RGL1: variants seen among roughly 807,000 people sequenced by gnomAD.
RGL1 encodes ral guanine nucleotide dissociation stimulator-like 1.
Under a neutral mutation model 95.2 loss-of-function variants are expected in RGL1, and 24 were observed. The ratio of observed to expected loss-of-function variants is 0.25; its 90% CI spans 0.18 to 0.35. The LOEUF is 0.35. Ranked by LOEUF, RGL1 falls within the 10% of genes least tolerant of loss-of-function variation. The pLI is 1.00. For synonymous variants in RGL1, 329 were observed against 344.9 expected (o/e 0.95, Z 0.51); for missense variants, 715 against 936.3 (o/e 0.76, Z 3.08).
chr1:183,830,272 A>G (rs1663170869), intron 2 of RGL1, among the ~76,000 whole-genome samples: 2 of 152,178 alleles, frequency 1.3e-5, no homozygotes, highest in South Asian at 2.1e-4. Context: ...ACCTCAAACA[A>G]TATCCTTTGT....
At chr1:183,692,957 A>ATTT (rs566962381) in intron 1 of RGL1, among the ~76,000 whole-genome samples, 12 of 145,426 alleles carry the variant, frequency 8.3e-5, no homozygotes, top group East Asian at 4.0e-4. Context: ...GATAAAAAAA[A>ATTT]TTTTTTTTTT....
At chr1:183,644,048 T>C (rs1650123038) in intron 1 of RGL1, among the ~76,000 whole-genome samples, 1 of 152,160 alleles carries the variant, frequency 6.6e-6, no homozygotes, top group South Asian at 2.1e-4. Flanking sequence ...CTACCTGGCT[T>C]CCATAGTTTA....
intron 2 of RGL1, among the ~76,000 whole-genome samples, chr1:183,743,184 T>C (rs765179494): frequency 9.9e-5 from 15 of 152,114 alleles, no homozygotes; most frequent in Non-Finnish European, 1.8e-4. Context: ...GGATAATTTT[T>C]AAATTTTTTG....
At chr1:183,909,835 A>G (rs570674006) in intron 14 of RGL1, among the ~76,000 whole-genome samples, 2 of 152,036 alleles carry the variant, frequency 1.3e-5, no homozygotes, top group South Asian at 2.1e-4. Flanking sequence ...TCCTTTTACC[A>G]CTACTTGTGG....
At chr1:183,885,292 G>A (rs963922857) in intron 7 of RGL1, among the ~76,000 whole-genome samples, 14 of 152,134 alleles carry the variant, frequency 9.2e-5, no homozygotes, top group African/African-American at 3.1e-4. Flanking sequence ...TAAATGTATG[G>A]TCTGCATGTC....
chr1:183,795,557 G>A (rs1660655806), intron 2 of RGL1, among the ~76,000 whole-genome samples: 1 of 152,222 alleles, frequency 6.6e-6, no homozygotes, highest in South Asian at 2.1e-4. Flanking sequence ...AGACTGGGGT[G>A]GCTGGAGCCC....
At chr1:183,764,229 C>T (rs892690216) in intron 2 of RGL1, among the ~76,000 whole-genome samples, 1 of 152,200 alleles carries the variant, frequency 6.6e-6, no homozygotes, top group Non-Finnish European at 1.5e-5. Context: ...TTGAGTGCTT[C>T]AGCCAAGGAG....
rs146858418 is a variant in RGL1, at chr1:183,636,920, A to G, written c.-33+419A>G. ...GACATTTGGCTGGACACTGCTCGGT[A>G]TGGGTCCAGTTTAGTTGGACCTCGA... is the stretch of plus-strand genomic sequence containing the variant. On this transcript the variant is annotated intron_variant, in intron 1 of 18. Coordinates refer to the RGL1 transcript ENST00000304685. 5.2e-3 allele frequency among the ~76,000 whole-genome samples: 798 copies of G among 152,334 alleles called. 6 individuals carry two copies. The highest frequency in any genetic ancestry group is 0.018 in the African/African-American group (754 of 41,556).
chr1:183,686,558 C>A (rs966036090), intron 1 of RGL1, among the ~76,000 whole-genome samples: 2 of 152,196 alleles, frequency 1.3e-5, no homozygotes, highest in Admixed American at 1.3e-4. Flanking sequence ...GATGACAACA[C>A]TCTGTAGTGC....
At position 183,764,069 on chromosome 1, in the gene RGL1, G is replaced by A. The variant is rs1572384261; in HGVS notation, c.132+21780G>A. Among the ~76,000 whole-genome samples the A allele has an allele frequency of 2.0e-5, 3 of 152,202 alleles. No homozygotes were observed. The East Asian group carries it at 5.8e-4, about 29-fold the overall frequency. ...GAAGACAATTGGCCTGAACTAAATA[G>A]CATTGTGTTGAGATACAAAAATTAT... On this transcript the variant is annotated intron_variant, in intron 2 of 18. Coordinates refer to the RGL1 transcript ENST00000304685.
chr1:183,805,944 T>C (rs1661266051), intron 1 of RGL1, among the ~76,000 whole-genome samples: 1 of 148,994 alleles, frequency 6.7e-6, no homozygotes, highest in South Asian at 2.1e-4. Context: ...TTCTTTTCTT[T>C]TTTTCTTTTT....
intron 2 of RGL1, among the ~76,000 whole-genome samples, chr1:183,744,160 C>T (rs969875225): frequency 1.3e-5 from 2 of 152,194 alleles, no homozygotes; most frequent in African/African-American, 4.8e-5. Flanking sequence ...ATACCAACTC[C>T]TCACTACAGT....
intron 11 of RGL1, among the ~76,000 whole-genome samples, chr1:183,901,272 C>T (rs1424973720): frequency 2.0e-5 from 3 of 151,698 alleles, no homozygotes; most frequent in Non-Finnish European, 2.9e-5. Flanking sequence ...GCACTTCAGC[C>T]TGGGTGACAG....
At chr1:183,666,402 C>A (rs1262661151) in intron 1 of RGL1, among the ~76,000 whole-genome samples, 1 of 152,108 alleles carries the variant, frequency 6.6e-6, no homozygotes, top group Non-Finnish European at 1.5e-5. Flanking sequence ...ATTGTATTTT[C>A]ATTGAGTTCA....
chr1:183,911,676 T>C (rs1402079819), intron 14 of RGL1, among the ~76,000 whole-genome samples: 1 of 152,222 alleles, frequency 6.6e-6, no homozygotes, highest in Non-Finnish European at 1.5e-5. Flanking sequence ...CACAGATTGT[T>C]GGAAATAGAA....
intron 3 of RGL1, among the ~76,000 whole-genome samples, chr1:183,861,773 C>T (rs1471147482): frequency 2.6e-5 from 4 of 152,168 alleles, no homozygotes; most frequent in Admixed American, 1.3e-4. Context: ...GACACGACAT[C>T]GTTGACAGGT....
chr1:183,811,543 A>G (rs775370150), intron 2 of RGL1, among the ~76,000 whole-genome samples: 36 of 152,326 alleles, frequency 2.4e-4, no homozygotes, highest in Non-Finnish European at 3.1e-4. Flanking sequence ...GTGTAAATGA[A>G]CCAACTGGTA....
chr1:183,720,231 GGAAA>G (rs1162065280), intron 1 of RGL1, among the ~76,000 whole-genome samples: 1 of 152,182 alleles, frequency 6.6e-6, no homozygotes, highest in Non-Finnish European at 1.5e-5. Flanking sequence ...AATCATTAAT[GGAAA>G]GTTTAATGCC....
chr1:183,645,964 A>G (rs937738525), intron 1 of RGL1, among the ~76,000 whole-genome samples: 7 of 152,214 alleles, frequency 4.6e-5, no homozygotes, highest in African/African-American at 1.7e-4. Flanking sequence ...TCCTTTTGTT[A>G]TATACCACTG....
Sources: allele counts gnomAD v4.1 joint callset (sites outside exome capture counted in the v4.1 genomes callset), GRCh38; gene constraint gnomAD v4.1.1; transcripts MANE v1.5; gene names NCBI Gene and HGNC (gene_info 2026-07-23, HGNC 2026-07-21).